GRM5: variants seen among roughly 807,000 people sequenced by gnomAD.
GRM5 encodes the protein metabotropic glutamate receptor 5.
GRM5 carries 19 observed loss-of-function variants against 83.1 expected under a neutral mutation model. The observed-to-expected ratio is 0.23, with a 90% CI of 0.16 to 0.34. The LOEUF (loss-of-function observed/expected upper bound fraction) is 0.34, where lower values mean the gene tolerates loss of function less well. Among genes scored for constraint, GRM5 ranks in the 10% least tolerant of loss-of-function variants. The pLI, the probability that GRM5 is intolerant of heterozygous loss-of-function variation, is 1.00. For synonymous variants in GRM5, 675 were observed against 633.6 expected (o/e 1.07, Z -0.98); for missense variants, 1,160 against 1,588.3 (o/e 0.73, Z 4.58).
intron 7 of GRM5, among the ~76,000 whole-genome samples, chr11:88,585,903 T>G (rs1943304252): frequency 6.6e-6 from 1 of 152,172 alleles, no homozygotes; most frequent in Non-Finnish European, 1.5e-5. Flanking sequence ...TGGGCTATGT[T>G]CTGACCTCAT....
chr11:88,830,924 G>A (rs1943979536), intron 3 of GRM5, among the ~76,000 whole-genome samples: 1 of 152,036 alleles, frequency 6.6e-6, no homozygotes, highest in East Asian at 1.9e-4. Flanking sequence ...GCTTGTGCAG[G>A]AAAGCTCCCC....
At chr11:88,805,217 G>C (rs1943478047) in intron 3 of GRM5, among the ~76,000 whole-genome samples, 1 of 152,034 alleles carries the variant, frequency 6.6e-6, no homozygotes, top group African/African-American at 2.4e-5. Flanking sequence ...TTTTGAGACA[G>C]AGTCTCACTC....
chr11:88,821,762 C>A (rs916634113), intron 3 of GRM5, among the ~76,000 whole-genome samples: 3 of 152,098 alleles, frequency 2.0e-5, no homozygotes, highest in Non-Finnish European at 4.4e-5. Context: ...AAATTTTGAA[C>A]CTATGTTTCC....
At chr11:88,613,938 C>G (rs1938398017) in intron 4 of GRM5, among the ~76,000 whole-genome samples, 1 of 152,104 alleles carries the variant, frequency 6.6e-6, no homozygotes. Flanking sequence ...AGTCTTATAA[C>G]CTACCTTTCC....
chr11:88,926,112 C>T (rs1171394554), intron 2 of GRM5, among the ~76,000 whole-genome samples: 1 of 152,096 alleles, frequency 6.6e-6, no homozygotes, highest in African/African-American at 2.4e-5. Context: ...TGTTAGGTGC[C>T]TCCTGCACCT....
chr11:88,831,205 C>T (rs1201569108), intron 3 of GRM5, among the ~76,000 whole-genome samples: 1 of 152,228 alleles, frequency 6.6e-6, no homozygotes, highest in Admixed American at 6.5e-5. Flanking sequence ...AAACTGACAT[C>T]CCCTGATCAC....
chr11:88,781,672 C>G (rs541435365), intron 3 of GRM5, among the ~76,000 whole-genome samples: 1 of 152,310 alleles, frequency 6.6e-6, no homozygotes, highest in Admixed American at 6.5e-5. Context: ...TGCTCTGTGA[C>G]TTTTTGAAGA....
intron 8 of GRM5, among the ~76,000 whole-genome samples, chr11:88,560,620 A>G (rs1388724058): frequency 6.6e-6 from 1 of 152,144 alleles, no homozygotes; most frequent in East Asian, 1.9e-4. Context: ...AAAGTGAGTA[A>G]TCTTGTTCAC....
At chr11:88,882,654 T>A (rs182944456) in intron 2 of GRM5, among the ~76,000 whole-genome samples, 56 of 152,206 alleles carry the variant, frequency 3.7e-4, no homozygotes, top group African/African-American at 1.3e-3. Flanking sequence ...ATTATATTAA[T>A]AAATATGTCA....
intron 7 of GRM5, among the ~76,000 whole-genome samples, chr11:88,578,247 A>G (rs1236186602): frequency 6.6e-6 from 1 of 152,058 alleles, no homozygotes; most frequent in African/African-American, 2.4e-5. Flanking sequence ...GATAGGAGGA[A>G]TTTATCTGCT....
At chr11:88,762,526 A>G (rs769938184) in intron 3 of GRM5, among the ~76,000 whole-genome samples, 5 of 152,028 alleles carry the variant, frequency 3.3e-5, no homozygotes, top group Non-Finnish European at 7.4e-5. Context: ...AAGTCAAAAA[A>G]TAAAAGATGC....
In GRM5 at chr11:88,954,033, A is replaced by G. The variant is rs572180644; in HGVS notation, c.661+93179T>C. On this transcript the variant is annotated intron_variant, in intron 2 of 9. Transcript: ENST00000305447. ...TTTTGGTTCATAAATGGTGTAGATA[A>G]AATTACTGTTCAAAGAATGGTTATC... Among the ~76,000 whole-genome samples, 6 of 152,110 alleles carry G rather than the reference A, an allele frequency of 3.9e-5. No individual in the cohort carries two copies. In the South Asian group the frequency reaches 1.2e-3, roughly 32 times the overall value.
In GRM5 at chr11:89,047,900, G is replaced by C; in HGVS notation, c.-28C>G. 1.3e-6 allele frequency: 2 copies of C among 1,583,778 alleles called. No individual in the cohort carries two copies. The highest frequency in any genetic ancestry group is 1.7e-6 in the Non-Finnish European group (2 of 1,155,498). On this transcript the variant is annotated 5_prime_UTR_variant, in exon 2 of 10. In the 5' UTR this introduces an upstream ATG that the reference lacks. Transcript: ENST00000305447. The surrounding 1 kb of genome is among the most constrained non-coding windows in gnomAD (Gnocchi z 5.1). ...TAGGAAAGGAGTTCAAGCCAATAAA[G>C]ATAGCATGGTGGGGAAAATTCAGGA...
intron 7 of GRM5, among the ~76,000 whole-genome samples, chr11:88,576,617 T>C (rs552151867): frequency 6.6e-6 from 1 of 152,276 alleles, no homozygotes; most frequent in East Asian, 1.9e-4. Context: ...ATGAAAATAA[T>C]ACAGACTTAT....
intron 4 of GRM5, among the ~76,000 whole-genome samples, chr11:88,636,014 T>C (rs1032533604): frequency 1.3e-5 from 2 of 152,204 alleles, no homozygotes; most frequent in Non-Finnish European, 2.9e-5. Context: ...ATTACAAAAA[T>C]GTAATAAACT....
At position 88,567,026 on chromosome 11, in the gene GRM5, A is replaced by G; in HGVS notation, c.2630+27T>C. Reference sequence around the variant, plus strand: ...CTCTGCTCCAGTTTTAGGGGCCAGCATCCCTGTAAGCCCCCACAACTTTTA... The same window carrying G: ...CTCTGCTCCAGTTTTAGGGGCCAGCGTCCCTGTAAGCCCCCACAACTTTTA... On this transcript the variant is annotated intron_variant, in intron 8 of 9. Coordinates refer to ENST00000305447, the MANE Select transcript of GRM5 (RefSeq NM_001143831.3). This position sits in a 1 kb window ranked among gnomAD's most constrained non-coding sequence, Gnocchi z 7.3. 7.0e-7 allele frequency: 1 copy of G among 1,432,252 alleles called. No homozygotes were observed. Among genetic ancestry groups the G allele is most frequent in the Non-Finnish European group, 9.6e-7 (1 of 1,040,686 alleles). The allele number at this position is 1,432,252 out of a possible 1,614,324, so 88.7% of individuals were successfully genotyped here.
chr11:88,805,137 A>G (rs1221872363), intron 3 of GRM5, among the ~76,000 whole-genome samples: 1 of 152,176 alleles, frequency 6.6e-6, no homozygotes, highest in African/African-American at 2.4e-5. Flanking sequence ...ATCAACTTTC[A>G]CATGCATCAA....
intron 3 of GRM5, among the ~76,000 whole-genome samples, chr11:88,821,505 T>C (rs1943794657): frequency 6.6e-6 from 1 of 152,112 alleles, no homozygotes; most frequent in African/African-American, 2.4e-5. Flanking sequence ...GCCATATCCT[T>C]AGTTTCTCTG....
At chr11:88,579,471 A>G (rs187207866) in intron 7 of GRM5, among the ~76,000 whole-genome samples, 82 of 152,308 alleles carry the variant, frequency 5.4e-4, no homozygotes, top group African/African-American at 1.9e-3. Flanking sequence ...AAGAGGTAGA[A>G]CTGGATATGA....
Sources: allele counts gnomAD v4.1 joint callset (sites outside exome capture counted in the v4.1 genomes callset), GRCh38; gene constraint gnomAD v4.1.1; non-coding constraint Gnocchi (gnomAD v3.1); transcripts MANE v1.5; gene names NCBI Gene and HGNC (gene_info 2026-07-23, HGNC 2026-07-21).